Variants in CHRM1 observed in about 807,000 individuals in gnomAD.
CHRM1 encodes cholinergic receptor muscarinic 1, also known as muscarinic acetylcholine receptor M1.
A neutral mutation model predicts 31.6 loss-of-function variants in CHRM1; 5 were observed. That is an observed-to-expected ratio of 0.16 (90% CI 0.08 to 0.33). CHRM1 has a LOEUF of 0.33. Ranked by LOEUF, CHRM1 falls within the 10% of genes least tolerant of loss-of-function variation. The probability of loss-of-function intolerance (pLI) is 1.00; values close to 1 mark genes in which losing one functional copy is unlikely to be tolerated. For missense variants in CHRM1, 338 were observed against 610.3 expected, an observed-to-expected ratio of 0.55 and a Z score of 4.70; for synonymous variants, 227 against 249.7, an observed-to-expected ratio of 0.91 and a Z score of 0.86.
intron 1 of CHRM1, among the ~76,000 whole-genome samples, chr11:62,915,350 CA>C (rs1225137352): frequency 1.3e-5 from 2 of 151,996 alleles, no homozygotes; most frequent in Admixed American, 6.6e-5. Context: ...GAAGTTAATG[CA>C]AAAAAATCCA....
At chr11:62,915,035 C>T (rs2085893232) in intron 1 of CHRM1, among the ~76,000 whole-genome samples, 1 of 151,982 alleles carries the variant, frequency 6.6e-6, no homozygotes, top group Non-Finnish European at 1.5e-5. Flanking sequence ...ATTAGCCAGG[C>T]ATGGTGGCGG....
intron 1 of CHRM1, among the ~76,000 whole-genome samples, chr11:62,919,323 G>T (rs1486663218): frequency 6.6e-6 from 1 of 152,212 alleles, no homozygotes; most frequent in East Asian, 1.9e-4. Flanking sequence ...AACTAGTCTT[G>T]TGGAGGGCAG....
Position 62,909,642 on chromosome 11 carries a change from T to G in CHRM1, c.*76A>C, listed in dbSNP as rs2135038648. On this transcript the variant is annotated 3_prime_UTR_variant, in exon 2 of 2. Transcript: ENST00000306960. ...TGAGGCCTGAGCAGGGCCCTGGGGC[T>G]GAGGATGCAGCCCCTGCCCTCTTCC... is the stretch of plus-strand genomic sequence containing the variant. The G allele has an allele frequency of 6.5e-7, 1 of 1,537,578 alleles. No homozygotes were observed. The highest frequency in any genetic ancestry group is 8.8e-7 in the Non-Finnish European group (1 of 1,135,862).
In CHRM1 at chr11:62,910,462, C is replaced by T. The variant is rs1590648856; in HGVS notation, c.639G>A (p.Arg213=). 2 of 1,614,060 alleles carry T rather than the reference C, an allele frequency of 1.2e-6. No individual in the cohort carries two copies. The highest frequency in any genetic ancestry group is 1.3e-5 in the African/African-American group (1 of 75,052). The change falls in exon 2 of 2, where the codon CGG becomes CGA. Residue 213 remains arginine, a synonymous_variant. Transcript: ENST00000306960. This position sits in a 1 kb window ranked among gnomAD's most constrained non-coding sequence, Gnocchi z 8.7. ...GCTCCCGTGCTCGGTTCTCTGTCTCCCGGTAGATGCGCCAGTAGAGCGTGC... is the reference window on the plus strand; with the variant it reads ...GCTCCCGTGCTCGGTTCTCTGTCTCTCGGTAGATGCGCCAGTAGAGCGTGC... ...VMCTLYWRIY[R]ETENRARELA...
intron 1 of CHRM1, 71 bp downstream of exon 1, chr11:62,921,141 GCCCTCC>G (rs1438027922): frequency 3.3e-5 from 5 of 152,632 alleles, no homozygotes; most frequent in African/African-American, 1.2e-4. Flanking sequence ...CCTGATCCCT[GCCCTCC>G]CCCGCTCCCC....
chr11:62,915,913 G>A (rs2085897919), intron 1 of CHRM1, among the ~76,000 whole-genome samples: 1 of 152,044 alleles, frequency 6.6e-6, no homozygotes, highest in South Asian at 2.1e-4. Flanking sequence ...GGATTCAAGC[G>A]ATCCTCCTGC....
At chr11:62,912,694 G>A (rs897764982) in intron 1 of CHRM1, among the ~76,000 whole-genome samples, 2 of 151,528 alleles carry the variant, frequency 1.3e-5, no homozygotes, top group African/African-American at 2.4e-5. Context: ...GAAGGGTAAA[G>A]GTCCAGGCAG....
In CHRM1 at chr11:62,910,874, G is replaced by T; in HGVS notation, c.227C>A (p.Thr76Asn). 6.2e-7 allele frequency: 1 copy of T among 1,614,154 alleles called. No individual in the cohort carries two copies. The highest frequency in any genetic ancestry group is 8.5e-7 in the Non-Finnish European group (1 of 1,180,030). ...CGTGGTATAGAGGTTCATGGAGAAG[G>T]TACCGATGATGAGGTCAGCACAGGC... The part of the protein sequence containing the change: ...SLACADLIIG[T>N]FSMNLYTTYL... The change falls in exon 2 of 2, where the codon ACC becomes AAC. Residue 76 changes from threonine (T) to asparagine (N), a missense_variant. Physicochemically the swap from Thr to Asn is moderately conservative, Grantham distance 65. Coordinates refer to ENST00000306960, the MANE Select transcript of CHRM1 (RefSeq NM_000738.3). This position sits in a 1 kb window ranked among gnomAD's most constrained non-coding sequence, Gnocchi z 8.7.
chr11:62,913,380 T>C (rs918632459), intron 1 of CHRM1, among the ~76,000 whole-genome samples: 1 of 152,178 alleles, frequency 6.6e-6, no homozygotes, highest in African/African-American at 2.4e-5. Context: ...CCTAGAAATG[T>C]CTACCTCTTG....
chr11:62,918,635 C>T (rs146164511), intron 1 of CHRM1, among the ~76,000 whole-genome samples: 2 of 152,312 alleles, frequency 1.3e-5, no homozygotes, highest in Admixed American at 6.5e-5. Context: ...CAGACATGGA[C>T]GTGCCAAAGC....
At chr11:62,914,087 G>A (rs1277750454) in intron 1 of CHRM1, among the ~76,000 whole-genome samples, 1 of 151,960 alleles carries the variant, frequency 6.6e-6, no homozygotes, top group African/African-American at 2.4e-5. Context: ...GACTACAGGC[G>A]CCTGCCACCA....
intron 1 of CHRM1, among the ~76,000 whole-genome samples, chr11:62,913,896 G>C (rs1395593070): frequency 6.6e-6 from 1 of 151,202 alleles, no homozygotes; most frequent in East Asian, 1.9e-4. Flanking sequence ...ACAGGCTGGA[G>C]TGCAGTTGCG....
rs373462832 is a variant in CHRM1, at chr11:62,911,005, C to A, written c.96G>T (p.Thr32=). The change falls in exon 2 of 2, where the codon ACG becomes ACT. Residue 32 remains threonine, a synonymous_variant. Transcript: ENST00000306960. ...TCACTGTGGCTAGCGACAGGAGGCCCGTGGTGATCCCAATGAAGGCCACTT... is the reference window on the plus strand; with the variant it reads ...TCACTGTGGCTAGCGACAGGAGGCCAGTGGTGATCCCAATGAAGGCCACTT... ...PWQVAFIGIT[T]GLLSLATVTG... is the part of the protein sequence containing the mutation. 19 of 1,614,054 alleles carry A rather than the reference C, an allele frequency of 1.2e-5. No homozygotes were observed. The highest frequency in any genetic ancestry group is 1.4e-5 in the Non-Finnish European group (16 of 1,180,038).
chr11:62,911,130 C>A lies in CHRM1; in HGVS notation c.-30G>T. The A allele has an allele frequency of 1.2e-6, 2 of 1,601,632 alleles. No homozygotes were observed. Among genetic ancestry groups the A allele is most frequent in the Admixed American group, 3.4e-5 (2 of 59,276 alleles). On this transcript the variant is annotated 5_prime_UTR_variant, in exon 2 of 2. Coordinates refer to ENST00000306960, the MANE Select transcript of CHRM1 (RefSeq NM_000738.3). Reference sequence around the variant, plus strand: ...GCTAGGTGGGGCTGGGGTTGGAGAGCCCCTTCCTCCAGGCACGCTACAGGG... The same window carrying A: ...GCTAGGTGGGGCTGGGGTTGGAGAGACCCTTCCTCCAGGCACGCTACAGGG...
rs752034108 is a variant in CHRM1, at chr11:62,910,816, C to T, written c.285G>A (p.Thr95=). The T allele has an allele frequency of 1.2e-5, 20 of 1,614,044 alleles. No individual in the cohort carries two copies. Among genetic ancestry groups the T allele is most frequent in the African/African-American group, 4.0e-5 (3 of 74,912 alleles). ...YLLMGHWALG[T]LACDLWLALD... Reference sequence around the variant, plus strand: ...GGGCCAGCCAGAGGTCACAAGCCAGCGTGCCCAGAGCCCAGTGGCCCATGA... The same window carrying T: ...GGGCCAGCCAGAGGTCACAAGCCAGTGTGCCCAGAGCCCAGTGGCCCATGA... The change falls in exon 2 of 2, where the codon ACG becomes ACA. Residue 95 remains threonine (T), a synonymous_variant. Coordinates refer to ENST00000306960, the MANE Select transcript of CHRM1 (RefSeq NM_000738.3). The surrounding 1 kb of genome is among the most constrained non-coding windows in gnomAD (Gnocchi z 8.7).
rs747282277 is a variant in CHRM1 at position 62,910,212 on chromosome 11, C to A, written c.889G>T (p.Gly297Cys). The change falls in exon 2 of 2, where the codon GGC (glycine) becomes TGC (cysteine). Residue 297 changes from glycine to cysteine, a missense_variant. Coordinates refer to ENST00000306960, the MANE Select transcript of CHRM1 (RefSeq NM_000738.3). The surrounding 1 kb of genome is among the most constrained non-coding windows in gnomAD (Gnocchi z 8.7). The part of the protein sequence containing the change: ...SLTSSEGEEP[G>C]SEVVIKMPMV... ...GGCATCTTGATCACCACTTCGGAGC[C>A]AGGCTCCTCTCCCTCTGAGGATGTG... 2 of 1,606,828 alleles carry A rather than the reference C, an allele frequency of 1.2e-6. No individual in the cohort carries two copies. The highest frequency in any genetic ancestry group is 1.7e-5 in the Admixed American group (1 of 58,910).
At chr11:62,917,378 A>T (rs1378757433) in intron 1 of CHRM1, among the ~76,000 whole-genome samples, 1 of 152,218 alleles carries the variant, frequency 6.6e-6, no homozygotes, top group East Asian at 1.9e-4. Flanking sequence ...GAAGGCATCC[A>T]TGGGGGCTGG....
At chr11:62,918,817 G>T (rs12807867) in intron 1 of CHRM1, among the ~76,000 whole-genome samples, 1 of 152,178 alleles carries the variant, frequency 6.6e-6, no homozygotes, top group Non-Finnish European at 1.5e-5. Flanking sequence ...ACCACTGGGG[G>T]AGGCAGGGAA....
Position 62,909,930 on chromosome 11 carries a change from A to C in CHRM1, c.1171T>G (p.Cys391Gly). 1 of 1,614,200 alleles carries C rather than the reference A, an allele frequency of 6.2e-7. No individual in the cohort carries two copies. Among genetic ancestry groups the C allele is most frequent in the East Asian group, 2.2e-5 (1 of 44,872 alleles). ...AGGGTCTCGGGAACACAGTCCTTGC[A>C]GAAGGTGGACACCAGCACCATGATG... ...YNIMVLVSTF[C>G]KDCVPETLWE... Residue 391 changes from cysteine (C) to glycine (G), a missense_variant, in exon 2 of 2, where the codon TGC (cysteine) becomes GGC (glycine). This residue lies in a region of CHRM1 where 68 missense variants were observed against 108.5 expected (regional missense o/e 0.63). Coordinates refer to ENST00000306960, the MANE Select transcript of CHRM1 (RefSeq NM_000738.3).
Sources: gnomAD v4.1 joint callset for allele counts (sites outside exome capture counted in the v4.1 genomes callset) on GRCh38, gnomAD v4.1.1 for gene constraint, gnomAD v4.1.1 regional missense constraint, Gnocchi (gnomAD v3.1) non-coding constraint, MANE v1.5 for transcripts, NCBI Gene and HGNC (gene_info 2026-07-23, HGNC 2026-07-21) for gene names.